DYM: variants seen among roughly 807,000 people sequenced by gnomAD.
DYM encodes the protein dymeclin, also known as dyggve-Melchior-Clausen syndrome protein.
In DYM, 78 loss-of-function variants were observed where a neutral mutation model predicts 93.1. That is an observed-to-expected ratio of 0.84 (90% CI 0.70 to 1.01). The LOEUF (loss-of-function observed/expected upper bound fraction) is 1.01, where lower values mean the gene tolerates loss of function less well. DYM is among the 50% of genes least tolerant of loss of function. The pLI is 0.00. For missense variants in DYM, 789 were observed against 845.0 expected (o/e 0.93, Z 0.82); for synonymous variants, 321 against 319.7 (o/e 1.00, Z -0.04).
intron 14 of DYM, among the ~76,000 whole-genome samples, chr18:49,199,591 C>A (rs1000131434): frequency 1.3e-5 from 2 of 152,184 alleles, no homozygotes. Flanking sequence ...TAATACATTT[C>A]ATTTCATGCC....
At chr18:49,439,121 C>T (rs1011472776) in intron 1 of DYM, among the ~76,000 whole-genome samples, 2 of 152,282 alleles carry the variant, frequency 1.3e-5, no homozygotes, top group African/African-American at 4.8e-5. Context: ...TCCTTCTAGA[C>T]CCAACCTCTG....
At chr18:49,347,650 A>G (rs1047496451) in intron 6 of DYM, among the ~76,000 whole-genome samples, 2 of 152,190 alleles carry the variant, frequency 1.3e-5, no homozygotes, top group Non-Finnish European at 2.9e-5. Context: ...TCCTCCCGTA[A>G]CTTTCTATAA....
At chr18:49,427,006 G>A (rs1225369277) in intron 2 of DYM, among the ~76,000 whole-genome samples, 1 of 152,054 alleles carries the variant, frequency 6.6e-6, no homozygotes, top group African/African-American at 2.4e-5. Context: ...AAGAACTCCA[G>A]TTATTAAATG....
intron 15 of DYM, among the ~76,000 whole-genome samples, chr18:49,159,323 A>C (rs2086819859): frequency 6.6e-6 from 1 of 152,192 alleles, no homozygotes; most frequent in Non-Finnish European, 1.5e-5. Context: ...TCTGAATTTA[A>C]ATTTTGTCAT....
chr18:49,445,832 T>A (rs924154157), intron 1 of DYM, among the ~76,000 whole-genome samples: 1 of 152,130 alleles, frequency 6.6e-6, no homozygotes, highest in African/African-American at 2.4e-5. Context: ...ATTAATAATA[T>A]ATCCATGGAA....
intron 8 of DYM, among the ~76,000 whole-genome samples, chr18:49,315,147 G>A (rs1270373549): frequency 6.6e-6 from 1 of 151,758 alleles, no homozygotes; most frequent in Non-Finnish European, 1.5e-5. Flanking sequence ...CCCGAGAGGC[G>A]GAGGTTGCAG....
At chr18:49,409,508 C>A (rs1334088059) in intron 2 of DYM, among the ~76,000 whole-genome samples, 1 of 152,104 alleles carries the variant, frequency 6.6e-6, no homozygotes, top group East Asian at 1.9e-4. Context: ...GAGACCCCAC[C>A]ACAGCTCATG....
At chr18:49,435,383 T>C (rs2080751255) in intron 1 of DYM, among the ~76,000 whole-genome samples, 1 of 145,052 alleles carries the variant, frequency 6.9e-6, no homozygotes. Context: ...GGATTGCTTG[T>C]AAATGTAGAT....
intron 2 of DYM, among the ~76,000 whole-genome samples, chr18:49,420,852 T>C (rs112721216): frequency 0.091 from 13,880 of 151,904 alleles, 853 homozygotes; most frequent in East Asian, 0.31. Context: ...AAACGGCACA[T>C]CAGGAGATTA....
chr18:49,074,046 A>T (rs1441329974), intron 17 of DYM, among the ~76,000 whole-genome samples: 1 of 152,232 alleles, frequency 6.6e-6, no homozygotes, highest in African/African-American at 2.4e-5. Flanking sequence ...CTGATCAGTC[A>T]TATGAATTGA....
chr18:49,433,603 G>A (rs537517099), intron 1 of DYM, among the ~76,000 whole-genome samples: 17 of 152,224 alleles, frequency 1.1e-4, no homozygotes, highest in Middle Eastern at 6.8e-3. Flanking sequence ...GTAGGGCCAG[G>A]TGTGGTATTA....
intron 1 of DYM, among the ~76,000 whole-genome samples, chr18:49,454,861 T>A (rs1157274125): frequency 7.2e-6 from 1 of 139,026 alleles, no homozygotes; most frequent in East Asian, 2.2e-4. Context: ...TGAGCCGAGA[T>A]CGCGCCACTG....
rs1171331149 is a variant in DYM at position 49,043,392 on chromosome 18, A to C, written c.*663T>G. 6.6e-6 allele frequency: 1 copy of C among 152,244 alleles called. No homozygotes were observed. The highest frequency in any genetic ancestry group is 2.4e-5 in the African/African-American group (1 of 41,438). 9.4% of individuals were successfully genotyped at this position (152,244 alleles called of 1,614,324 possible). A position where few individuals can be genotyped will look rare whatever the true frequency, so the allele number is the denominator to read the frequency against. On this transcript the variant is annotated 3_prime_UTR_variant, in exon 18 of 18. Transcript: ENST00000675505. ...GGATTCTGCTAACTTGGCTCCCCAA[A>C]GTGCTGGGATTACAAATGTGAGCCA...
intron 17 of DYM, among the ~76,000 whole-genome samples, chr18:49,081,491 G>C (rs1238507034): frequency 6.9e-6 from 1 of 144,834 alleles, no homozygotes; most frequent in African/African-American, 2.6e-5. Flanking sequence ...GAGGGAGACC[G>C]TGGAAAGAGA....
chr18:49,444,704 T>C (rs759889117), intron 1 of DYM, among the ~76,000 whole-genome samples: 33 of 152,180 alleles, frequency 2.2e-4, no homozygotes, highest in Non-Finnish European at 4.1e-4. Context: ...ATGAGGAGCT[T>C]CTACCTAATC....
At chr18:49,133,202 AAG>A (rs1351491927) in intron 15 of DYM, among the ~76,000 whole-genome samples, 1 of 152,200 alleles carries the variant, frequency 6.6e-6, no homozygotes, top group African/African-American at 2.4e-5. Flanking sequence ...ATACGTACTT[AAG>A]AGTCTTAAAA....
chr18:49,317,551 TTC>T (rs796373730), intron 8 of DYM, among the ~76,000 whole-genome samples: 17 of 29,370 alleles, frequency 5.8e-4, no homozygotes, highest in South Asian at 1.6e-3. Context: ...CCATCTAGAT[TTC>T]TCTCTCTCTC....
chr18:49,338,370 C>A (rs998353438), intron 6 of DYM, among the ~76,000 whole-genome samples: 1 of 152,162 alleles, frequency 6.6e-6, no homozygotes, highest in Non-Finnish European at 1.5e-5. Context: ...AGAAAGTCAA[C>A]GAATCACAAC....
intron 4 of DYM, among the ~76,000 whole-genome samples, chr18:49,379,364 G>A (rs1315427064): frequency 6.6e-6 from 1 of 152,018 alleles, no homozygotes; most frequent in African/African-American, 2.4e-5. Context: ...CTAGATAGCA[G>A]CAGCAGTGAT....
Sources: allele counts gnomAD v4.1 joint callset (sites outside exome capture counted in the v4.1 genomes callset), GRCh38; gene constraint gnomAD v4.1.1; transcripts MANE v1.5; gene names NCBI Gene and HGNC (gene_info 2026-07-23, HGNC 2026-07-21).